Variants in GRIK2 observed in about 807,000 individuals in gnomAD.
GRIK2 encodes the protein glutamate ionotropic receptor kainate type subunit 2, also known as glutamate receptor ionotropic, kainate 2.
A neutral mutation model predicts 100.3 loss-of-function variants in GRIK2; 32 were observed. The observed-to-expected ratio is 0.32, with a 90% CI of 0.24 to 0.43. GRIK2 has a LOEUF of 0.43. Ranked by LOEUF, GRIK2 falls within the 20% of genes least tolerant of loss-of-function variation. The pLI, the probability that GRIK2 is intolerant of heterozygous loss-of-function variation, is 1.00. For synonymous variants in GRIK2, 417 were observed against 389.4 expected, an observed-to-expected ratio of 1.07 and a Z score of -0.83; for missense variants, 843 against 1,114.9, an observed-to-expected ratio of 0.76 and a Z score of 3.47.
At chr6:101,636,461 G>T (rs1781017928) in intron 4 of GRIK2, among the ~76,000 whole-genome samples, 1 of 151,936 alleles carries the variant, frequency 6.6e-6, no homozygotes, top group Non-Finnish European at 1.5e-5. Flanking sequence ...TAACATACCT[G>T]CATGTTCTGC....
At chr6:101,813,824 A>G (rs1781477900) in intron 9 of GRIK2, among the ~76,000 whole-genome samples, 1 of 151,998 alleles carries the variant, frequency 6.6e-6, no homozygotes, top group Admixed American at 6.6e-5. Flanking sequence ...TTAGCTGGGC[A>G]TGGTAGTGGG....
chr6:101,463,922 T>C (rs951655102), intron 2 of GRIK2, among the ~76,000 whole-genome samples: 2 of 152,182 alleles, frequency 1.3e-5, no homozygotes, highest in African/African-American at 4.8e-5. Flanking sequence ...TGTTCCTGGG[T>C]ATGTCTGCGA....
At chr6:101,923,921 T>C (rs2128470106) in intron 12 of GRIK2, among the ~76,000 whole-genome samples, 1 of 127,740 alleles carries the variant, frequency 7.8e-6, no homozygotes, top group Non-Finnish European at 1.6e-5. Flanking sequence ...GGAGATTCTG[T>C]CTCCAAAAAA....
At chr6:101,762,558 TA>T (rs1335134523) in intron 7 of GRIK2, among the ~76,000 whole-genome samples, 1 of 152,096 alleles carries the variant, frequency 6.6e-6, no homozygotes, top group Non-Finnish European at 1.5e-5. Context: ...TTTTTAAAAT[TA>T]GGTTCTTCCT....
At chr6:101,432,179 G>A (rs1022352731) in intron 2 of GRIK2, among the ~76,000 whole-genome samples, 2 of 152,046 alleles carry the variant, frequency 1.3e-5, no homozygotes, top group South Asian at 4.2e-4. Flanking sequence ...GGGGCTGCCT[G>A]CCTATAATTT....
At chr6:101,505,424 ACT>A (rs1347699258) in intron 2 of GRIK2, among the ~76,000 whole-genome samples, 3 of 152,034 alleles carry the variant, frequency 2.0e-5, no homozygotes, top group Non-Finnish European at 2.9e-5. Flanking sequence ...CAGCTTGCCA[ACT>A]CTTTCTCCTT....
intron 2 of GRIK2, among the ~76,000 whole-genome samples, chr6:101,461,011 TAGAA>T (rs1321122935): frequency 8.5e-5 from 13 of 152,174 alleles, no homozygotes; most frequent in Admixed American, 3.9e-4. Context: ...CATCACCAAT[TAGAA>T]AGGAAGATAA....
At chr6:101,794,044 A>G (rs1310070010) in intron 7 of GRIK2, among the ~76,000 whole-genome samples, 1 of 152,114 alleles carries the variant, frequency 6.6e-6, no homozygotes, top group Non-Finnish European at 1.5e-5. Flanking sequence ...CTGGTGCGCC[A>G]TTTCCTAAGC....
chr6:102,044,084 C>T (rs1361165256), intron 15 of GRIK2, among the ~76,000 whole-genome samples: 1 of 151,646 alleles, frequency 6.6e-6, no homozygotes, highest in East Asian at 1.9e-4. Context: ...ATTGAAAGAC[C>T]TTAATTTTAT....
chr6:101,929,193 C>T (rs116051197), intron 14 of GRIK2, among the ~76,000 whole-genome samples: 1,739 of 152,212 alleles, frequency 0.011, 34 homozygotes, highest in African/African-American at 0.04. Context: ...CCCTGTGGAA[C>T]ATTTAAATGA....
At chr6:101,720,221 C>T (rs958689577) in intron 7 of GRIK2, among the ~76,000 whole-genome samples, 1 of 151,742 alleles carries the variant, frequency 6.6e-6, no homozygotes, top group Admixed American at 6.6e-5. Flanking sequence ...AGACCCAGCC[C>T]ACACTGTCAG....
At chr6:101,863,362 G>T (rs911515776) in intron 11 of GRIK2, among the ~76,000 whole-genome samples, 1 of 152,096 alleles carries the variant, frequency 6.6e-6, no homozygotes, top group Admixed American at 6.5e-5. Flanking sequence ...ACAGTCCTCA[G>T]TTCTTTCCTC....
intron 12 of GRIK2, chr6:101,890,069 TA>T: frequency 1.8e-6 from 1 of 564,648 alleles, no homozygotes; most frequent in Non-Finnish European, 3.1e-6. Flanking sequence ...GTTGTGTCAG[TA>T]AGCTATAAGT....
chr6:101,870,229 C>T (rs1174997700), intron 11 of GRIK2, among the ~76,000 whole-genome samples: 4 of 151,786 alleles, frequency 2.6e-5, no homozygotes, highest in Non-Finnish European at 4.4e-5. Flanking sequence ...TCAATACATA[C>T]ATCATTAAGG....
At chr6:101,821,089 A>G (rs1481232799) in intron 10 of GRIK2, among the ~76,000 whole-genome samples, 2 of 152,188 alleles carry the variant, frequency 1.3e-5, no homozygotes, top group Non-Finnish European at 2.9e-5. Context: ...ATTAAATGGG[A>G]AATTAGACGA....
rs147816184 is a variant in GRIK2, at chr6:101,663,860, C to T, written c.542-12763C>T. ...GCTTCAGTCACCCACTGATGCCATT[C>T]GGTAGGCATCTAACCTAACTGCAAC... On this transcript the variant is annotated intron_variant, in intron 4 of 16. Coordinates refer to ENST00000369134, the MANE Select transcript of GRIK2 (RefSeq NM_021956.5). Among the ~76,000 whole-genome samples the T allele has an allele frequency of 8.5e-5, 13 of 152,262 alleles. No homozygotes were observed. The East Asian group carries it at 1.7e-3, about 20-fold the overall frequency.
chr6:101,492,484 A>C (rs1001435955), intron 2 of GRIK2, among the ~76,000 whole-genome samples: 7 of 152,070 alleles, frequency 4.6e-5, no homozygotes, highest in Middle Eastern at 3.4e-3. Context: ...TTTTTAAAAA[A>C]AAATTCTATG....
chr6:101,958,193 T>A (rs1167457468), intron 14 of GRIK2, among the ~76,000 whole-genome samples: 1 of 151,216 alleles, frequency 6.6e-6, no homozygotes, highest in Non-Finnish European at 1.5e-5. Flanking sequence ...TTTTCATCAA[T>A]GTTTTGTATT....
At chr6:101,574,069 G>C (rs987520617) in intron 2 of GRIK2, among the ~76,000 whole-genome samples, 60 of 151,298 alleles carry the variant, frequency 4.0e-4, no homozygotes, top group African/African-American at 1.4e-3. Context: ...TAGAATTTTA[G>C]GTCTTGATTG....
Sources: gnomAD v4.1 joint callset for allele counts (sites outside exome capture counted in the v4.1 genomes callset) on GRCh38, gnomAD v4.1.1 for gene constraint, MANE v1.5 for transcripts, NCBI Gene and HGNC (gene_info 2026-07-23, HGNC 2026-07-21) for gene names.